The following COLEC11 variants were observed in gnomAD, a reference collection of about 807,000 sequenced individuals.
COLEC11 encodes collectin subfamily member 11.
A neutral mutation model predicts 27.3 loss-of-function variants in COLEC11; 20 were observed. The observed-to-expected ratio is 0.73, with a 90% CI of 0.51 to 1.06. The LOEUF (loss-of-function observed/expected upper bound fraction) is 1.06. Among genes scored for constraint, COLEC11 ranks in the 50% least tolerant of loss-of-function variants. The pLI, the probability that COLEC11 is intolerant of heterozygous loss-of-function variation, is 0.00. For synonymous variants in COLEC11, 163 were observed against 154.7 expected, an observed-to-expected ratio of 1.05 and a Z score of -0.40; for missense variants, 310 against 383.0, an observed-to-expected ratio of 0.81 and a Z score of 1.59.
chr2:3,622,884 C>T (rs1029359985), intron 3 of COLEC11, among the ~76,000 whole-genome samples: 1 of 152,186 alleles, frequency 6.6e-6, no homozygotes, highest in African/African-American at 2.4e-5. Flanking sequence ...ATAGTTTTAT[C>T]AGTTATCTCT....
chr2:3,624,544 C>CT (rs374900729), intron 3 of COLEC11, among the ~76,000 whole-genome samples: 321 of 152,300 alleles, frequency 2.1e-3, no homozygotes, highest in African/African-American at 7.2e-3. Flanking sequence ...ACTTACTACA[C>CT]TTTCACTTAC....
chr2:3,621,242 C>G (rs1664165161), intron 3 of COLEC11, among the ~76,000 whole-genome samples: 1 of 152,122 alleles, frequency 6.6e-6, no homozygotes, highest in South Asian at 2.1e-4. Flanking sequence ...ATTATGTTTT[C>G]TTGATGAATT....
Position 3,637,241 on chromosome 2 carries a change from G to A in COLEC11, c.203-292G>A, listed in dbSNP as rs528896015. Among the ~76,000 whole-genome samples, 4 of 152,326 alleles carry A rather than the reference G, an allele frequency of 2.6e-5. No individual in the cohort carries two copies. The East Asian group carries it at 7.7e-4, about 29-fold the overall frequency. On this transcript the variant is annotated intron_variant, in intron 3 of 6. Transcript: ENST00000349077. ...CGTCTCACACAGGCACGGAGGGGATGGACCGTGGTTGAGTTTGGAACTTAG... is the reference window on the plus strand; with the variant it reads ...CGTCTCACACAGGCACGGAGGGGATAGACCGTGGTTGAGTTTGGAACTTAG...
intron 3 of COLEC11, among the ~76,000 whole-genome samples, chr2:3,614,309 A>AC (rs1038787949): frequency 2.0e-5 from 3 of 151,772 alleles, no homozygotes; most frequent in East Asian, 3.9e-4. Context: ...CAGTTAGCCA[A>AC]CCCCCCAACC....
At chr2:3,599,964 G>A (rs1427780296) in intron 1 of COLEC11, among the ~76,000 whole-genome samples, 3 of 152,178 alleles carry the variant, frequency 2.0e-5, no homozygotes, top group Non-Finnish European at 4.4e-5. Flanking sequence ...GGCCAGGCAC[G>A]GTGGCTCAAG....
At chr2:3,629,364 A>T (rs1361054018) in intron 3 of COLEC11, among the ~76,000 whole-genome samples, 1 of 152,176 alleles carries the variant, frequency 6.6e-6, no homozygotes, top group South Asian at 2.1e-4. Context: ...TGTGGCTGGT[A>T]TGTGGAGGTT....
intron 3 of COLEC11, among the ~76,000 whole-genome samples, chr2:3,615,751 G>T (rs1347726784): frequency 6.6e-6 from 1 of 151,258 alleles, no homozygotes; most frequent in Non-Finnish European, 1.5e-5. Context: ...GGACAGGGCG[G>T]TGGCCGGGCA....
intron 1 of COLEC11, among the ~76,000 whole-genome samples, chr2:3,598,782 G>A (rs1252922480): frequency 6.6e-6 from 1 of 152,122 alleles, no homozygotes; most frequent in Admixed American, 6.6e-5. Context: ...GAGGCTGCAG[G>A]CGGAGTGCCC....
chr2:3,643,826 G>A lies in COLEC11; in HGVS notation c.524G>A (p.Gly175Asp), dbSNP rs762172005. 2.5e-6 allele frequency: 4 copies of A among 1,613,512 alleles called. No homozygotes were observed. The highest frequency in any genetic ancestry group is 3.4e-6 in the Non-Finnish European group (4 of 1,179,978). ...CAGCTGTCCTGCCAGGGCCGCGGGG[G>A]CACGCTGAGCATGCCCAAGGACGAG... ...DAQLSCQGRG[G>D]TLSMPKDEAA... The change falls in exon 7 of 7, where the codon GGC (glycine) becomes GAC (aspartate). Residue 175 changes from glycine (G) to aspartate (D), a missense_variant. Coordinates refer to ENST00000349077, the MANE Select transcript of COLEC11 (RefSeq NM_024027.5).
chr2:3,626,691 C>G (rs1004219242), intron 3 of COLEC11, among the ~76,000 whole-genome samples: 1 of 152,236 alleles, frequency 6.6e-6, no homozygotes, highest in Non-Finnish European at 1.5e-5. Context: ...GCTGTAAGTG[C>G]TCTGTTCTGG....
chr2:3,601,219 G>C (rs1008646770), intron 1 of COLEC11, among the ~76,000 whole-genome samples: 1 of 152,208 alleles, frequency 6.6e-6, no homozygotes, highest in Non-Finnish European at 1.5e-5. Context: ...ACAGGGTGGT[G>C]TGCGGACCAT....
At chr2:3,638,156 C>T (rs1350452370) in intron 4 of COLEC11, among the ~76,000 whole-genome samples, 1 of 152,220 alleles carries the variant, frequency 6.6e-6, no homozygotes, top group Non-Finnish European at 1.5e-5. Flanking sequence ...GCTGCACGGC[C>T]GTGGTAAGGC....
At chr2:3,607,410 G>A (rs1662810076) in intron 2 of COLEC11, among the ~76,000 whole-genome samples, 1 of 142,476 alleles carries the variant, frequency 7.0e-6, no homozygotes, top group Admixed American at 7.1e-5. Context: ...AAAGGTCATA[G>A]TTCTTCTTAT....
chr2:3,637,935 C>G (rs919152174), intron 4 of COLEC11, among the ~76,000 whole-genome samples: 6 of 152,202 alleles, frequency 3.9e-5, no homozygotes, highest in Non-Finnish European at 7.3e-5. Flanking sequence ...AGACTTAGAG[C>G]CTCACGTAAG....
chr2:3,617,741 G>C (rs1663878808), intron 3 of COLEC11: 2 of 1,361,738 alleles, frequency 1.5e-6, no homozygotes, highest in African/African-American at 1.4e-5. Flanking sequence ...GGTCTGCGCA[G>C]TGGCCACCAC....
Position 3,625,625 on chromosome 2 carries a change from C to CT in COLEC11, c.203-11889dup, listed in dbSNP as rs60222284. 5.4e-3 allele frequency among the ~76,000 whole-genome samples: 490 copies of CT among 91,442 alleles called. 21 individuals carry two copies. The highest frequency in any genetic ancestry group is 9.4e-3 in the Middle Eastern group (1 of 106). The allele number at this position is 91,442 out of a possible 152,430, so 60.0% of individuals were successfully genotyped here. On this transcript the variant is annotated intron_variant, in intron 3 of 6. Coordinates refer to ENST00000349077, the MANE Select transcript of COLEC11 (RefSeq NM_024027.5). ...GGAAAGTTTCTTTTCTTCTTTTTTA[C>CT]TTTTTTTTTTTTTTTTTTTGAGACA... is the stretch of plus-strand genomic sequence containing the variant.
chr2:3,609,560 G>A (rs1360629793), intron 2 of COLEC11, among the ~76,000 whole-genome samples: 2 of 147,570 alleles, frequency 1.4e-5, no homozygotes, highest in African/African-American at 2.5e-5. Flanking sequence ...ATGGAGTTTC[G>A]CTCTTGTTGC....
At chr2:3,599,314 C>T (rs1662063413) in intron 1 of COLEC11, among the ~76,000 whole-genome samples, 1 of 152,140 alleles carries the variant, frequency 6.6e-6, no homozygotes, top group Non-Finnish European at 1.5e-5. Context: ...ATCTGGTGCG[C>T]GATGACCCAC....
intron 3 of COLEC11, among the ~76,000 whole-genome samples, chr2:3,626,691 C>T (rs1004219242): frequency 6.6e-6 from 1 of 152,236 alleles, no homozygotes; most frequent in Admixed American, 6.5e-5. Context: ...GCTGTAAGTG[C>T]TCTGTTCTGG....
Sources: allele counts gnomAD v4.1 joint callset (sites outside exome capture counted in the v4.1 genomes callset), GRCh38; gene constraint gnomAD v4.1.1; transcripts MANE v1.5; gene names NCBI Gene and HGNC (gene_info 2026-07-23, HGNC 2026-07-21).